Variants in ESPN observed in about 807,000 individuals in gnomAD.
ESPN encodes the protein autosomal recessive deafness type 36 protein.
Under a neutral mutation model 77.7 loss-of-function variants are expected in ESPN, and 68 were observed. That is an observed-to-expected ratio of 0.87 (90% confidence interval 0.72 to 1.07). The LOEUF (loss-of-function observed/expected upper bound fraction) is 1.07. Ranked by LOEUF, ESPN falls within the 50% of genes least tolerant of loss-of-function variation. ESPN has a pLI of 0.00. For missense variants in ESPN, 1,060 were observed against 1,239.0 expected (o/e 0.86, Z 2.17); for synonymous variants, 449 against 567.1 (o/e 0.79, Z 2.96).
chr1:6,440,434 G>A lies in ESPN; in HGVS notation c.669G>A (p.Val223=), dbSNP rs751507854. 2 of 1,565,262 alleles carry A rather than the reference G, an allele frequency of 1.3e-6. No homozygotes were observed. Among genetic ancestry groups the A allele is most frequent in the African/African-American group, 2.7e-5 (2 of 73,906 alleles). ...AGATGGGCCACAGCCCAGTCATCGT[G>A]TGGTTGGTGAGCTCCGGGCCCGGGC... ...AAQMGHSPVI[V]WLVSCTDVSL... The change falls in exon 3 of 13, where the codon GTG becomes GTA. Residue 223 remains valine, a synonymous_variant. Coordinates refer to ENST00000645284, the MANE Select transcript of ESPN (RefSeq NM_031475.3).
At chr1:6,436,995 C>T (rs975661272) in intron 2 of ESPN, among the ~76,000 whole-genome samples, 1 of 152,176 alleles carries the variant, frequency 6.6e-6, no homozygotes, top group African/African-American at 2.4e-5. Flanking sequence ...ATCCCCTCCC[C>T]CTCAGCCCAT....
In ESPN at chr1:6,425,258, G is replaced by A. The variant is rs1642993434; in HGVS notation, c.294+9G>A. On this transcript the variant is annotated intron_variant, in intron 1 of 12. Coordinates refer to ENST00000645284, the MANE Select transcript of ESPN (RefSeq NM_031475.3). ...GCGGCTGCAGAGTGCAGGTGGGTCC[G>A]CGCGGTTCGCCAGGGGCACTGAGGC... The A allele has an allele frequency of 6.4e-7, 1 of 1,567,474 alleles. No individual in the cohort carries two copies.
chr1:6,427,582 C>T lies in ESPN; in HGVS notation c.295-644C>T, dbSNP rs1643085559. 1.3e-5 allele frequency among the ~76,000 whole-genome samples: 2 copies of T among 152,224 alleles called. No homozygotes were observed. The highest frequency in any genetic ancestry group is 6.5e-5 in the Admixed American group (1 of 15,290). On this transcript the variant is annotated intron_variant, in intron 1 of 12. Transcript: ENST00000645284. This position sits in a 1 kb window ranked among gnomAD's most constrained non-coding sequence, Gnocchi z 4.6. ...CCGCCCACCAGTACCCAGCAACTTC[C>T]ACCTCCACAGGGGCGAGAACACAGG...
At position 6,445,674 on chromosome 1, in the gene ESPN, C is replaced by T. The variant is rs774321845; in HGVS notation, c.1203C>T (p.Ser401=). ...KGQHPPCGLS[S]ARAADIQSYM... ...CTTCTGCCTCCCCAGGGCTTTCCAG[C>T]GCTAGAGCTGCAGACATACAGAGCT... The change falls in exon 7 of 13, where the codon AGC becomes AGT. Residue 401 remains serine (S), a synonymous_variant. Transcript: ENST00000645284. The T allele has an allele frequency of 1.2e-5, 20 of 1,612,378 alleles. No homozygotes were observed. The highest frequency in any genetic ancestry group is 1.4e-5 in the Non-Finnish European group (17 of 1,179,820).
In ESPN at chr1:6,460,037, G is replaced by A. The variant is rs1557722439; in HGVS notation, c.2456G>A (p.Arg819Gln). ...CGACAGAAGCAGGAGGAGCTGCGGC[G>A]GGAGAAGGAACAGTCAGAGAAGCTG... ...EERQKQEELR[R>Q]EKEQSEKLRT... The change falls in exon 13 of 13, where the codon CGG becomes CAG. Residue 819 changes from arginine (R) to glutamine (Q), a missense_variant. Around this residue, in one of 3 missense-constraint regions of ESPN, gnomAD observed 374 missense variants for 381.4 expected, o/e 0.98. Transcript: ENST00000645284. 1.9e-6 allele frequency: 3 copies of A among 1,613,424 alleles called. No individual in the cohort carries two copies. Among genetic ancestry groups the A allele is most frequent in the Admixed American group, 1.7e-5 (1 of 59,998 alleles).
chr1:6,425,146 C>T lies in ESPN; in HGVS notation c.191C>T (p.Ala64Val). 2.0e-6 allele frequency: 3 copies of T among 1,509,620 alleles called. No individual in the cohort carries two copies. The highest frequency in any genetic ancestry group is 1.2e-5 in the South Asian group (1 of 81,384). The allele number at this position is 1,509,620 out of a possible 1,614,324, so 93.5% of individuals were successfully genotyped here. A position where few individuals can be genotyped will look rare whatever the true frequency, so the allele number is the denominator to read the frequency against. Residue 64 changes from alanine (A) to valine (V), a missense_variant, in exon 1 of 13, where the codon GCG becomes GTG. Physicochemically the swap from Ala to Val is moderately conservative, Grantham distance 64. Transcript: ENST00000645284. ...FLVEEAALPA[A>V]ARARNGATPA... ...GTGGAGGAAGCCGCCCTCCCCGCCGCGGCCCGCGCCCGCAACGGCGCCACA... is the reference window on the plus strand; with the variant it reads ...GTGGAGGAAGCCGCCCTCCCCGCCGTGGCCCGCGCCCGCAACGGCGCCACA...
At position 6,451,912 on chromosome 1, in the gene ESPN, C is replaced by T. The variant is rs750160430; in HGVS notation, c.2141C>T (p.Pro714Leu). 46 of 1,610,940 alleles carry T rather than the reference C, an allele frequency of 2.9e-5. No individual in the cohort carries two copies. The highest frequency in any genetic ancestry group is 3.3e-5 in the South Asian group (3 of 90,530). ...SPTPPAAGFQ[P>L]LLNGSLVPVP... ...ACACCGCCAGCTGCGGGGTTTCAGC[C>T]GCTGCTCAATGGAAGCTTGGTTCCC... Residue 714 changes from proline to leucine, a missense_variant, in exon 10 of 13, where the codon CCG (proline) becomes CTG (leucine). Physicochemically the swap from Pro to Leu is moderately conservative, Grantham distance 98. Coordinates refer to ENST00000645284, the MANE Select transcript of ESPN (RefSeq NM_031475.3). The surrounding 1 kb of genome is among the most constrained non-coding windows in gnomAD (Gnocchi z 4.3).
rs62621073 is a variant in ESPN at position 6,444,530 on chromosome 1, C to T, written c.1040C>T (p.Ala347Val). 1 of 1,614,230 alleles carries T rather than the reference C, an allele frequency of 6.2e-7. No individual in the cohort carries two copies. The highest frequency in any genetic ancestry group is 8.5e-7 in the Non-Finnish European group (1 of 1,180,030). ...LSRDPSAELE[A>V]KQPDSGMSSP... ...CGGGATCCATCCGCAGAGCTGGAGG[C>T]TAAGCAGCCGGATTCAGGCATGTCC... Residue 347 changes from alanine (A) to valine (V), a missense_variant, in exon 6 of 13, where the codon GCT becomes GTT. Ala to Val is a moderately conservative substitution (Grantham distance 64). This residue lies in a region of ESPN where 556 missense variants were observed against 633.6 expected (regional missense o/e 0.88). Coordinates refer to ENST00000645284, the MANE Select transcript of ESPN (RefSeq NM_031475.3).
intron 1 of ESPN, among the ~76,000 whole-genome samples, chr1:6,426,643 G>T (rs1359412533): frequency 6.6e-6 from 1 of 152,136 alleles, no homozygotes; most frequent in African/African-American, 2.4e-5. Context: ...TCTCCTTACA[G>T]TTTCCACCAC....
intron 2 of ESPN, among the ~76,000 whole-genome samples, chr1:6,429,506 C>A (rs1319337737): frequency 6.6e-6 from 1 of 152,104 alleles, no homozygotes; most frequent in African/African-American, 2.4e-5. Context: ...ACACCTGGGA[C>A]ATGTCCCCAC....
chr1:6,455,241 C>T (rs1434435042), intron 10 of ESPN: 3 of 389,862 alleles, frequency 7.7e-6, no homozygotes, highest in Non-Finnish European at 1.4e-5. Flanking sequence ...CACGAAGCTG[C>T]GCGGCGTCCA....
In ESPN at chr1:6,455,357, C is replaced by T. The variant is rs1260219126; in HGVS notation, c.2326-1827C>T. On this transcript the variant is annotated intron_variant, in intron 10 of 12. Coordinates refer to ENST00000645284, the MANE Select transcript of ESPN (RefSeq NM_031475.3). ...GCCGCCGCGCCCAGGCGCGCCTACG[C>T]GGACTGCTGCCCCGCGTGGCGGCTG... is the stretch of plus-strand genomic sequence containing the variant. The T allele has an allele frequency of 6.0e-5, 23 of 384,836 alleles. No homozygotes were observed. In the East Asian group the frequency reaches 7.8e-4, roughly 13 times the overall value. The allele number at this position is 384,836 out of a possible 1,614,324, so 23.8% of individuals were successfully genotyped here. A position where few individuals can be genotyped will look rare whatever the true frequency, so the allele number is the denominator to read the frequency against.
rs1286745021 is a variant in ESPN at position 6,425,207 on chromosome 1, C to G, written c.252C>G (p.Ala84=). 4.5e-6 allele frequency: 7 copies of G among 1,554,150 alleles called. 1 individual carries two copies. In the South Asian group the frequency reaches 8.2e-5, roughly 18 times the overall value. The change falls in exon 1 of 13, where the codon GCC becomes GCG. Residue 84 remains alanine, a synonymous_variant. Transcript: ENST00000645284. ...ACGCCTCCGCCACCGGCCACCTCGC[C>G]TGCCTGCAGTGGCTGCTGTCGCAGG... The part of the protein sequence containing the change: ...AHDASATGHL[A]CLQWLLSQGG...
At chr1:6,458,034 T>C (rs941669231) in intron 12 of ESPN, among the ~76,000 whole-genome samples, 8 of 151,854 alleles carry the variant, frequency 5.3e-5, no homozygotes, top group Non-Finnish European at 7.4e-5. Context: ...AAAAAATTTT[T>C]TTTTGAGATG....
rs564814609 is a variant in ESPN at position 6,451,368 on chromosome 1, C to A, written c.1916-235C>A. The A allele has an allele frequency of 1.3e-4, 79 of 598,594 alleles. No homozygotes were observed. The highest frequency in any genetic ancestry group is 5.6e-4 in the Admixed American group (19 of 33,980). The allele number at this position is 598,594 out of a possible 1,614,324, so 37.1% of individuals were successfully genotyped here. A position where few individuals can be genotyped will look rare whatever the true frequency, so the allele number is the denominator to read the frequency against. ...GGGCCTCCAGGCAGGGGCCCTCCAT[C>A]CCGTGAGTAGGGTGGGGAAGATGGT... On this transcript the variant is annotated intron_variant, in intron 8 of 12. Transcript: ENST00000645284. The surrounding 1 kb of genome is among the most constrained non-coding windows in gnomAD (Gnocchi z 4.3).
rs1220727332 is a variant in ESPN, at chr1:6,427,674, G to A, written c.295-552G>A. On this transcript the variant is annotated intron_variant, in intron 1 of 12. Transcript: ENST00000645284. This position sits in a 1 kb window ranked among gnomAD's most constrained non-coding sequence, Gnocchi z 4.6. ...GGCCGGTTTTCTGCACTGAGGTTGG[G>A]TTCCTGGAGGCGTACCAAGGTGGAG... Among the ~76,000 whole-genome samples, 1 of 152,246 alleles carries A rather than the reference G, an allele frequency of 6.6e-6. No individual in the cohort carries two copies. Among genetic ancestry groups the A allele is most frequent in the Admixed American group, 6.5e-5 (1 of 15,294 alleles).
intron 2 of ESPN, among the ~76,000 whole-genome samples, chr1:6,434,756 G>C (rs915877650): frequency 5.3e-5 from 8 of 152,204 alleles, no homozygotes; most frequent in African/African-American, 1.9e-4. Context: ...AGGAGAACAA[G>C]ATAATTCAGG....
rs1162573024 is a variant in ESPN at position 6,440,569 on chromosome 1, G to GC, written c.676-55dup. On this transcript the variant is annotated intron_variant, in intron 3 of 12. Transcript: ENST00000645284. ...CGGGCCACGGAGGTACAGGGGGCGG[G>GC]CCTACAGGGGCCTGGCGCCCAGCCC... The GC allele has an allele frequency of 2.6e-3, 2,561 of 995,002 alleles. 16 individuals carry two copies. The highest frequency in any genetic ancestry group is 3.3e-3 in the Non-Finnish European group (2,307 of 705,512). 61.6% of individuals were successfully genotyped at this position (995,002 alleles called of 1,614,324 possible).
chr1:6,433,121 CA>C (rs1157087361), intron 2 of ESPN, among the ~76,000 whole-genome samples: 1 of 134,798 alleles, frequency 7.4e-6, no homozygotes. Context: ...GACTCCATCT[CA>C]AAAAAAAAGA....
Sources: gnomAD v4.1 joint callset for allele counts (sites outside exome capture counted in the v4.1 genomes callset) on GRCh38, gnomAD v4.1.1 for gene constraint, gnomAD v4.1.1 regional missense constraint, Gnocchi (gnomAD v3.1) non-coding constraint, MANE v1.5 for transcripts, NCBI Gene and HGNC (gene_info 2026-07-23, HGNC 2026-07-21) for gene names.